Variants in CNTNAP2 observed in about 807,000 individuals in gnomAD.
CNTNAP2 encodes contactin-associated protein-like 2.
Under a neutral mutation model 155.2 loss-of-function variants are expected in CNTNAP2, and 98 were observed. The observed-to-expected ratio is 0.63, with a 90% CI of 0.54 to 0.75. The LOEUF is 0.75. CNTNAP2 is among the 30% of genes least tolerant of loss of function. The pLI is 0.00. For missense variants in CNTNAP2, 1,727 were observed against 1,688.1 expected (o/e 1.02, Z -0.40); for synonymous variants, 651 against 631.2 (o/e 1.03, Z -0.47).
chr7:148,034,256 AT>A (rs1428470123), intron 15 of CNTNAP2, among the ~76,000 whole-genome samples: 1 of 152,282 alleles, frequency 6.6e-6, no homozygotes, highest in South Asian at 2.1e-4. Flanking sequence ...TTTAAAGTAA[AT>A]TTGGAATCAC....
chr7:146,123,729 A>T (rs1797595968), intron 1 of CNTNAP2, among the ~76,000 whole-genome samples: 1 of 152,222 alleles, frequency 6.6e-6, no homozygotes. Context: ...TGTATTGTTA[A>T]AAAAACAGTC....
At chr7:148,271,143 T>G (rs1255906925) in intron 21 of CNTNAP2, among the ~76,000 whole-genome samples, 1 of 152,248 alleles carries the variant, frequency 6.6e-6, no homozygotes, top group African/African-American at 2.4e-5. Context: ...TGCCGGTTAT[T>G]ATGCTATATG....
chr7:147,234,699 T>C (rs1803761848), intron 8 of CNTNAP2, among the ~76,000 whole-genome samples: 1 of 152,190 alleles, frequency 6.6e-6, no homozygotes, highest in Admixed American at 6.5e-5. Flanking sequence ...CGAGTTTCAT[T>C]GATCCTTAAT....
At chr7:148,334,798 G>A (rs1280861190) in intron 21 of CNTNAP2, among the ~76,000 whole-genome samples, 6 of 152,332 alleles carry the variant, frequency 3.9e-5, no homozygotes, top group Admixed American at 2.6e-4. Context: ...CTGCCTGGGG[G>A]AACTCCAGCA....
chr7:146,503,759 A>G (rs77242211), intron 1 of CNTNAP2, among the ~76,000 whole-genome samples: 5,323 of 152,064 alleles, frequency 0.035, 177 homozygotes, highest in African/African-American at 0.087. Context: ...GCATGGAGTT[A>G]TTTCTGGGTT....
chr7:147,981,818 G>T (rs75059645), intron 15 of CNTNAP2, among the ~76,000 whole-genome samples: 88 of 124,244 alleles, frequency 7.1e-4, no homozygotes, highest in African/African-American at 2.2e-3. Flanking sequence ...TGTGTGTGTG[G>T]TTTTTTTTTT....
intron 3 of CNTNAP2, among the ~76,000 whole-genome samples, chr7:146,970,343 T>A (rs1488468948): frequency 6.6e-6 from 1 of 151,576 alleles, no homozygotes; most frequent in Non-Finnish European, 1.5e-5. Context: ...GAATCTACAA[T>A]GAACTCAAAC....
At chr7:146,818,575 A>G (rs534753695) in intron 2 of CNTNAP2, among the ~76,000 whole-genome samples, 5 of 152,188 alleles carry the variant, frequency 3.3e-5, no homozygotes, top group Non-Finnish European at 5.9e-5. Flanking sequence ...CGGACTCATC[A>G]GAACTCAAAC....
At chr7:146,589,493 A>G (rs373622456) in intron 1 of CNTNAP2, among the ~76,000 whole-genome samples, 2 of 151,980 alleles carry the variant, frequency 1.3e-5, no homozygotes, top group Non-Finnish European at 2.9e-5. Flanking sequence ...GCAAACTAAC[A>G]CAGGAACAGA....
chr7:147,181,220 G>C (rs980690452), intron 8 of CNTNAP2, among the ~76,000 whole-genome samples: 1 of 152,104 alleles, frequency 6.6e-6, no homozygotes, highest in African/African-American at 2.4e-5. Context: ...GGCCCAGAGA[G>C]ACCAGAAGCC....
At chr7:147,421,515 CAAAT>C (rs1170515751) in intron 10 of CNTNAP2, among the ~76,000 whole-genome samples, 1 of 150,508 alleles carries the variant, frequency 6.6e-6, no homozygotes, top group African/African-American at 2.4e-5. Flanking sequence ...CTAAATTACA[CAAAT>C]AAAATATATA....
chr7:146,669,053 T>C (rs192599027), intron 1 of CNTNAP2, among the ~76,000 whole-genome samples: 4 of 152,296 alleles, frequency 2.6e-5, no homozygotes, highest in African/African-American at 9.6e-5. Context: ...AATAAATGGA[T>C]ACAATAATAC....
At chr7:146,754,879 T>A (rs1801967871) in intron 1 of CNTNAP2, among the ~76,000 whole-genome samples, 1 of 151,988 alleles carries the variant, frequency 6.6e-6, no homozygotes, top group Non-Finnish European at 1.5e-5. Flanking sequence ...GCATTTAGTC[T>A]AATCATCTCA....
chr7:147,331,720 C>T (rs1326586796), intron 9 of CNTNAP2, among the ~76,000 whole-genome samples: 1 of 152,146 alleles, frequency 6.6e-6, no homozygotes, highest in Non-Finnish European at 1.5e-5. Context: ...CAGAATTTGG[C>T]AAAGGAGGAT....
intron 1 of CNTNAP2, among the ~76,000 whole-genome samples, chr7:146,289,789 G>A (rs1800400221): frequency 6.6e-6 from 1 of 152,010 alleles, no homozygotes; most frequent in African/African-American, 2.4e-5. Context: ...ATATTCCAGA[G>A]CAGAAACATA....
intron 15 of CNTNAP2, among the ~76,000 whole-genome samples, chr7:148,071,353 G>A (rs1563189110): frequency 6.6e-6 from 1 of 152,132 alleles, no homozygotes; most frequent in Admixed American, 6.5e-5. Flanking sequence ...AGCAGCAGGT[G>A]CATGTAATCC....
intron 15 of CNTNAP2, among the ~76,000 whole-genome samples, chr7:147,983,468 A>G (rs1224738898): frequency 4.4e-5 from 2 of 45,264 alleles, no homozygotes; most frequent in Admixed American, 4.9e-4. Context: ...AATAAATAAA[A>G]AAGTACCCTG....
intron 13 of CNTNAP2, among the ~76,000 whole-genome samples, chr7:147,903,062 T>C (rs1799900307): frequency 2.0e-5 from 3 of 152,282 alleles, no homozygotes; most frequent in South Asian, 2.1e-4. Context: ...CTGTTTTCCA[T>C]AGTGGTTGTA....
At chr7:146,903,111 G>T (rs1305926996) in intron 3 of CNTNAP2, among the ~76,000 whole-genome samples, 1 of 152,130 alleles carries the variant, frequency 6.6e-6, no homozygotes, top group African/African-American at 2.4e-5. Flanking sequence ...GTGATCTATG[G>T]GCTTGTACCA....
Sources: gnomAD v4.1 joint callset for allele counts (sites outside exome capture counted in the v4.1 genomes callset) on GRCh38, gnomAD v4.1.1 for gene constraint, MANE v1.5 for transcripts, NCBI Gene and HGNC (gene_info 2026-07-23, HGNC 2026-07-21) for gene names.